The following NCOA3 variants were observed in gnomAD, a reference collection of about 807,000 sequenced individuals.
The protein encoded by NCOA3 is CBP-interacting protein.
Under a neutral mutation model 158.8 loss-of-function variants are expected in NCOA3, and 51 were observed. The observed-to-expected ratio is 0.32, with a 90% CI of 0.26 to 0.41. The LOEUF is 0.41. Among genes scored for constraint, NCOA3 ranks in the 10% least tolerant of loss-of-function variants. NCOA3 has a pLI of 1.00. For missense variants in NCOA3, 1,510 were observed against 1,746.6 expected, an observed-to-expected ratio of 0.86 and a Z score of 2.41; for synonymous variants, 537 against 592.4, an observed-to-expected ratio of 0.91 and a Z score of 1.36.
chr20:47,645,700 G>A (rs1414797803), intron 17 of NCOA3, among the ~76,000 whole-genome samples: 1 of 152,096 alleles, frequency 6.6e-6, no homozygotes, highest in Non-Finnish European at 1.5e-5. Context: ...TTAAAGTATA[G>A]TTTGCTTTAT....
chr20:47,596,464 GATC>G (rs2085757705), intron 2 of NCOA3, among the ~76,000 whole-genome samples: 1 of 152,126 alleles, frequency 6.6e-6, no homozygotes, highest in Non-Finnish European at 1.5e-5. Flanking sequence ...ACGTTGCAAT[GATC>G]ATTTTTTGTA....
intron 2 of NCOA3, among the ~76,000 whole-genome samples, chr20:47,600,162 A>G (rs1013878045): frequency 1.4e-5 from 2 of 141,214 alleles, no homozygotes; most frequent in Non-Finnish European, 3.0e-5. Flanking sequence ...TATATTTTAT[A>G]TATATATATT....
chr20:47,564,697 T>G (rs776178058), intron 1 of NCOA3, among the ~76,000 whole-genome samples: 1 of 152,212 alleles, frequency 6.6e-6, no homozygotes, highest in Non-Finnish European at 1.5e-5. Context: ...AAAGGATATA[T>G]GCATTTAAAG....
chr20:47,542,554 T>C (rs2146133576), intron 1 of NCOA3, among the ~76,000 whole-genome samples: 1 of 152,304 alleles, frequency 6.6e-6, no homozygotes, highest in Admixed American at 6.5e-5. Flanking sequence ...CCAGCATTTA[T>C]TGGTCCCAGC....
intron 19 of NCOA3, 34 bp downstream of exon 19, chr20:47,649,143 C>A: frequency 7.0e-7 from 1 of 1,425,456 alleles, no homozygotes; most frequent in Non-Finnish European, 9.8e-7. Flanking sequence ...ATGCATTGCT[C>A]TGTGCTCAGG....
chr20:47,641,184 G>A (rs6018611), intron 16 of NCOA3, among the ~76,000 whole-genome samples: 19,001 of 152,114 alleles, frequency 0.12, 1,691 homozygotes, highest in African/African-American at 0.24. Context: ...TCATGCCCTT[G>A]TATGTGTTGG....
intron 1 of NCOA3, among the ~76,000 whole-genome samples, chr20:47,502,516 T>C (rs2083952262): frequency 6.6e-6 from 1 of 151,994 alleles, no homozygotes; most frequent in African/African-American, 2.4e-5. Flanking sequence ...TTGCTGTGTT[T>C]CCTCCTCACT....
At chr20:47,632,830 A>C (rs2086443501) in intron 8 of NCOA3, among the ~76,000 whole-genome samples, 1 of 149,152 alleles carries the variant, frequency 6.7e-6, no homozygotes, top group South Asian at 2.1e-4. Context: ...CTACAGGCGC[A>C]CACTCCCATG....
At chr20:47,524,928 A>G (rs990349256) in intron 1 of NCOA3, among the ~76,000 whole-genome samples, 80 of 151,794 alleles carry the variant, frequency 5.3e-4, no homozygotes, top group African/African-American at 1.8e-3. Flanking sequence ...TTATTTATTT[A>G]TTTATTTTTT....
At position 47,501,940 on chromosome 20, in the gene NCOA3, G is replaced by A. The variant is rs551167809; in HGVS notation, c.-178G>A. ...CGACGGCAGCGGCTGCGGCTTAGTCGGTGGCGGCCGGCGGCGGCTGCGGGC... is the reference window on the plus strand; with the variant it reads ...CGACGGCAGCGGCTGCGGCTTAGTCAGTGGCGGCCGGCGGCGGCTGCGGGC... On this transcript the variant is annotated 5_prime_UTR_variant, in exon 1 of 23. Coordinates refer to ENST00000371998, the MANE Select transcript of NCOA3 (RefSeq NM_181659.3). 5.0e-5 allele frequency: 20 copies of A among 401,380 alleles called. No individual in the cohort carries two copies. Among genetic ancestry groups the A allele is most frequent in the African/African-American group, 2.5e-4 (12 of 48,732 alleles). 24.9% of individuals were successfully genotyped at this position (401,380 alleles called of 1,614,324 possible). A position where few individuals can be genotyped will look rare whatever the true frequency, so the allele number is the denominator to read the frequency against.
In NCOA3 at chr20:47,517,513, C is replaced by T. The variant is rs998679053; in HGVS notation, c.-99+15494C>T. Among the ~76,000 whole-genome samples the T allele has an allele frequency of 1.3e-3, 191 of 142,596 alleles. 3 individuals carry two copies. Among genetic ancestry groups the T allele is most frequent in the East Asian group, 1.2e-3 (6 of 4,834 alleles). 93.5% of individuals were successfully genotyped at this position (142,596 alleles called of 152,430 possible). On this transcript the variant is annotated intron_variant, in intron 1 of 22. Transcript: ENST00000371998. ...TCGCCCAGGCTGGAGTGCAGTGGTA[C>T]GATCTTGGCTCACTACAACCTCTGC...
intron 1 of NCOA3, among the ~76,000 whole-genome samples, chr20:47,517,191 C>A (rs780671580): frequency 1.3e-5 from 2 of 152,170 alleles, no homozygotes; most frequent in Non-Finnish European, 2.9e-5. Flanking sequence ...GCACTCCAGC[C>A]TGGGTGACAG....
At chr20:47,631,815 A>G (rs567571320) in intron 8 of NCOA3, among the ~76,000 whole-genome samples, 2 of 152,332 alleles carry the variant, frequency 1.3e-5, no homozygotes, top group East Asian at 1.9e-4. Flanking sequence ...TTATCTGGAC[A>G]TGTATATTCA....
intron 1 of NCOA3, among the ~76,000 whole-genome samples, chr20:47,512,585 A>AC (rs1389764720): frequency 3.1e-4 from 47 of 151,586 alleles, no homozygotes; most frequent in Admixed American, 1.5e-3. Flanking sequence ...AAAAAAAAAA[A>AC]AAAACACAAA....
chr20:47,616,591 A>G (rs2086143853), intron 2 of NCOA3, among the ~76,000 whole-genome samples: 1 of 152,220 alleles, frequency 6.6e-6, no homozygotes, highest in African/African-American at 2.4e-5. Context: ...AGATAAGGAA[A>G]ATAATTGTAA....
At position 47,652,515 on chromosome 20, in the gene NCOA3, G is replaced by T. The variant is rs770629877; in HGVS notation, c.4056G>T (p.Gln1352His). 2 of 1,614,028 alleles carry T rather than the reference G, an allele frequency of 1.2e-6. No individual in the cohort carries two copies. Among genetic ancestry groups the T allele is most frequent in the Non-Finnish European group, 1.7e-6 (2 of 1,179,918 alleles). The change falls in exon 21 of 23, where the codon CAG becomes CAT. Residue 1352 changes from glutamine to histidine, a missense_variant. Coordinates refer to ENST00000371998, the MANE Select transcript of NCOA3 (RefSeq NM_181659.3). ...PSQNPMMQHPQAASIYQSSEM... is the reference protein window; with the variant it reads ...PSQNPMMQHPHAASIYQSSEM... ...AGAATCCCATGATGCAACACCCGCA[G>T]GCTGCATCCATCTATCAGTCCTCAG...
At chr20:47,614,519 C>T (rs56102199) in intron 2 of NCOA3, among the ~76,000 whole-genome samples, 1 of 151,864 alleles carries the variant, frequency 6.6e-6, no homozygotes, top group African/African-American at 2.4e-5. Flanking sequence ...CACCAAACCT[C>T]TCTCTAATTA....
intron 1 of NCOA3, among the ~76,000 whole-genome samples, chr20:47,551,555 C>A (rs1222055477): frequency 6.6e-6 from 1 of 152,134 alleles, no homozygotes; most frequent in East Asian, 1.9e-4. Flanking sequence ...AATTTTAAGA[C>A]CCCTCACCTC....
rs756520089 is a variant in NCOA3 at position 47,635,999 on chromosome 20, T to A, written c.1613T>A (p.Leu538Ter). 2 of 1,614,058 alleles carry A rather than the reference T, an allele frequency of 1.2e-6. No individual in the cohort carries two copies. The highest frequency in any genetic ancestry group is 2.7e-5 in the African/African-American group (2 of 74,910). Residue 538 changes from leucine (L) to a stop codon, truncating the protein, a stop_gained, in exon 12 of 23, where the codon TTA (leucine) becomes TAA (stop). Transcript: ENST00000371998. LOFTEE classifies it high-confidence loss of function. Reference sequence around the variant, plus strand: ...AGTGAAGGTGTGGGGACTTCCCTTTTATCTACTCTGTCATCACCAGGCCCC... The same window carrying A: ...AGTGAAGGTGTGGGGACTTCCCTTTAATCTACTCTGTCATCACCAGGCCCC... ...AISEGVGTSLLSTLSSPGPKL... is the reference protein window; with the variant it reads ...AISEGVGTSL
Sources: gnomAD v4.1 joint callset for allele counts (sites outside exome capture counted in the v4.1 genomes callset) on GRCh38, gnomAD v4.1.1 for gene constraint, MANE v1.5 for transcripts, NCBI Gene and HGNC (gene_info 2026-07-23, HGNC 2026-07-21) for gene names.